Variants in CTNND2 observed in about 807,000 individuals in gnomAD.
The protein encoded by CTNND2 is catenin delta 2.
In CTNND2, 22 loss-of-function variants were observed where a neutral mutation model predicts 144.4. The ratio of observed to expected loss-of-function variants is 0.15; its 90% CI spans 0.11 to 0.22. CTNND2 has a LOEUF of 0.22. CTNND2 is among the 10% of genes least tolerant of loss of function. CTNND2 has a pLI of 1.00. For missense variants in CTNND2, 1,353 were observed against 1,618.8 expected (o/e 0.84, Z 2.82); for synonymous variants, 751 against 695.6 (o/e 1.08, Z -1.25).
rs1740781852 is a variant in CTNND2, at chr5:11,229,699, C to T, written c.1761+6992G>A. ...ATATATATAACTGTGTATATATACA[C>T]ATATATATACATATATATACAACTG... On this transcript the variant is annotated intron_variant, in intron 10 of 21. Coordinates refer to ENST00000304623, the MANE Select transcript of CTNND2 (RefSeq NM_001332.4). Among the ~76,000 whole-genome samples, 3 of 149,706 alleles carry T rather than the reference C, an allele frequency of 2.0e-5. 1 individual carries two copies. The South Asian group carries it at 6.3e-4, about 32-fold the overall frequency.
intron 3 of CTNND2, among the ~76,000 whole-genome samples, chr5:11,552,155 T>C (rs1247910777): frequency 6.6e-6 from 1 of 152,168 alleles, no homozygotes; most frequent in Non-Finnish European, 1.5e-5. Flanking sequence ...TTTAAGACAT[T>C]AAACCCTTGG....
At chr5:11,129,133 A>ATATATAATATATAATATATATCATATATT (rs1199021225) in intron 12 of CTNND2, among the ~76,000 whole-genome samples, 1 of 26,044 alleles carries the variant, frequency 3.8e-5, no homozygotes. Flanking sequence ...ATATATATTT[A>ATATATAATATATAATATATATCATATATT]TATATATTAT....
intron 3 of CTNND2, among the ~76,000 whole-genome samples, chr5:11,558,384 C>CTGTGTGTGTGTG (rs1561554563): frequency 9.6e-4 from 53 of 55,188 alleles, no homozygotes; most frequent in African/African-American, 6.9e-4. Context: ...GTGTGTGTGA[C>CTGTGTGTGTGTG]ACACAAGGTC....
intron 16 of CTNND2, among the ~76,000 whole-genome samples, chr5:11,025,103 T>C (rs1367282681): frequency 6.6e-6 from 1 of 151,804 alleles, no homozygotes; most frequent in African/African-American, 2.4e-5. Flanking sequence ...TACTAGGCAA[T>C]TGGAGATTTT....
chr5:11,434,067 G>A (rs1243757113), intron 3 of CTNND2, among the ~76,000 whole-genome samples: 1 of 152,138 alleles, frequency 6.6e-6, no homozygotes, highest in Admixed American at 6.5e-5. Context: ...ATTGGAATGA[G>A]CCCAGAAACT....
intron 3 of CTNND2, among the ~76,000 whole-genome samples, chr5:11,423,680 C>A (rs1762545139): frequency 6.6e-6 from 1 of 152,140 alleles, no homozygotes; most frequent in Admixed American, 6.5e-5. Flanking sequence ...TCCTCTGTTC[C>A]TCTAAAATAC....
chr5:11,127,344 C>T (rs1374946033), intron 12 of CTNND2, among the ~76,000 whole-genome samples: 2 of 152,218 alleles, frequency 1.3e-5, no homozygotes, highest in African/African-American at 4.8e-5. Flanking sequence ...ACTCCTGCCT[C>T]TTGTAGTTCC....
At chr5:11,172,391 G>A (rs772043894) in intron 11 of CTNND2, among the ~76,000 whole-genome samples, 1 of 152,196 alleles carries the variant, frequency 6.6e-6, no homozygotes, top group Non-Finnish European at 1.5e-5. Context: ...AATCATGACT[G>A]AACAACTTCA....
At chr5:11,653,733 T>C (rs1174525826) in intron 2 of CTNND2, among the ~76,000 whole-genome samples, 8 of 152,014 alleles carry the variant, frequency 5.3e-5, no homozygotes, top group South Asian at 4.1e-4. Context: ...CAAAACTTTT[T>C]AGTTTGATGT....
chr5:11,082,825 C>T lies in CTNND2; in HGVS notation c.2659G>A (p.Ala887Thr), dbSNP rs763000398. 38 of 1,613,988 alleles carry T rather than the reference C, an allele frequency of 2.4e-5. No individual in the cohort carries two copies. The highest frequency in any genetic ancestry group is 6.7e-5 in the East Asian group (3 of 44,892). Residue 887 changes from alanine (A) to threonine (T), a missense_variant, in exon 16 of 22, where the codon GCT (alanine) becomes ACT (threonine). Coordinates refer to ENST00000304623, the MANE Select transcript of CTNND2 (RefSeq NM_001332.4). The stretch of plus-strand genomic sequence containing the variant: ...GGCAGGCCTTTCTCTTTTCGGACAG[C>T]GGCTCGGATATATACTGACCACTGC... Reference protein sequence around the residue: ...SWKWSVYIRAAVRKEKGLPIL... With the variant: ...SWKWSVYIRATVRKEKGLPIL...
At chr5:11,356,569 T>C (rs1312128797) in intron 8 of CTNND2, among the ~76,000 whole-genome samples, 3 of 152,052 alleles carry the variant, frequency 2.0e-5, no homozygotes, top group Admixed American at 2.0e-4. Context: ...AAGACTTAAA[T>C]GTAAAACCAG....
chr5:11,807,372 T>A (rs188229133), intron 1 of CTNND2, among the ~76,000 whole-genome samples: 1 of 152,270 alleles, frequency 6.6e-6, no homozygotes, highest in East Asian at 1.9e-4. Context: ...CCCTACTACC[T>A]TCTGCCTCCC....
At chr5:10,994,702 G>C (rs944100833) in intron 18 of CTNND2, among the ~76,000 whole-genome samples, 1 of 152,086 alleles carries the variant, frequency 6.6e-6, no homozygotes. Flanking sequence ...GTGAGAACAG[G>C]CTCCTGGGAC....
At chr5:11,054,156 G>GGCT (rs1746122242) in intron 16 of CTNND2, among the ~76,000 whole-genome samples, 1 of 152,168 alleles carries the variant, frequency 6.6e-6, no homozygotes, top group Non-Finnish European at 1.5e-5. Context: ...AAAGAACTGA[G>GGCT]GCTAAGAGCA....
At chr5:11,667,181 G>A (rs1392328255) in intron 2 of CTNND2, among the ~76,000 whole-genome samples, 1 of 152,112 alleles carries the variant, frequency 6.6e-6, no homozygotes, top group African/African-American at 2.4e-5. Context: ...GGGCATTTGA[G>A]TCAGTTCCAA....
chr5:11,769,775 T>C (rs1221945438), intron 1 of CTNND2, among the ~76,000 whole-genome samples: 1 of 152,192 alleles, frequency 6.6e-6, no homozygotes, highest in East Asian at 1.9e-4. Flanking sequence ...TGATTAATAA[T>C]TATATTTTCA....
At chr5:11,777,635 G>T (rs2126839945) in intron 1 of CTNND2, among the ~76,000 whole-genome samples, 1 of 152,176 alleles carries the variant, frequency 6.6e-6, no homozygotes, top group Non-Finnish European at 1.5e-5. Flanking sequence ...AATAAATATT[G>T]GGGACTGTGC....
At position 11,128,965 on chromosome 5, in the gene CTNND2, A is replaced by ATATATAATATATATATATATT. The variant is rs1561351061; in HGVS notation, c.2160-11399_2160-11398insAATATATATATATATTATATA. On this transcript the variant is annotated intron_variant, in intron 12 of 21. Transcript: ENST00000304623. ...TTATATATAATATATAAATATATAT[A>ATATATAATATATATATATATT]ATATATAATATATAAATATATATAA... Among the ~76,000 whole-genome samples the ATATATAATATATATATATATT allele has an allele frequency of 2.5e-4, 7 of 28,414 alleles. 2 individuals carry two copies. Among genetic ancestry groups the ATATATAATATATATATATATT allele is most frequent in the African/African-American group, 6.3e-4 (7 of 11,142 alleles). 18.6% of individuals were successfully genotyped at this position (28,414 alleles called of 152,430 possible).
chr5:11,757,311 C>T (rs972213735), intron 1 of CTNND2, among the ~76,000 whole-genome samples: 3 of 151,696 alleles, frequency 2.0e-5, no homozygotes, highest in African/African-American at 7.3e-5. Flanking sequence ...TTGTTTAAAT[C>T]TGTACGCAGC....
Sources: gnomAD v4.1 joint callset for allele counts (sites outside exome capture counted in the v4.1 genomes callset) on GRCh38, gnomAD v4.1.1 for gene constraint, MANE v1.5 for transcripts, NCBI Gene and HGNC (gene_info 2026-07-23, HGNC 2026-07-21) for gene names.